KDM4B: variants seen among roughly 807,000 people sequenced by gnomAD.
KDM4B encodes lysine-specific demethylase 4B.
Under a neutral mutation model 125.2 loss-of-function variants are expected in KDM4B, and 32 were observed. The observed-to-expected ratio is 0.26, with a 90% CI of 0.19 to 0.34. The LOEUF (loss-of-function observed/expected upper bound fraction) is 0.34, where lower values mean the gene tolerates loss of function less well. KDM4B is among the 10% of genes least tolerant of loss of function. The probability of loss-of-function intolerance (pLI) is 1.00; values close to 1 mark genes in which losing one functional copy is unlikely to be tolerated. For missense variants in KDM4B, 1,190 were observed against 1,577.7 expected, an observed-to-expected ratio of 0.75 and a Z score of 4.16; for synonymous variants, 721 against 677.9, an observed-to-expected ratio of 1.06 and a Z score of -0.99.
chr19:5,067,621 G>C (rs2037814357), intron 6 of KDM4B, among the ~76,000 whole-genome samples: 1 of 151,590 alleles, frequency 6.6e-6, no homozygotes, highest in Admixed American at 6.6e-5. Flanking sequence ...GCAGGAGGTG[G>C]TGCTGGCATG....
chr19:5,002,194 C>T (rs1256754292), intron 1 of KDM4B, among the ~76,000 whole-genome samples: 3 of 152,132 alleles, frequency 2.0e-5, no homozygotes, highest in African/African-American at 7.2e-5. Context: ...GATAGGGTTT[C>T]GCCATGTTGG....
At chr19:5,006,597 A>C (rs1214277016) in intron 1 of KDM4B, among the ~76,000 whole-genome samples, 1 of 152,030 alleles carries the variant, frequency 6.6e-6, no homozygotes, top group Non-Finnish European at 1.5e-5. Flanking sequence ...ACATGGTGAA[A>C]CACCATTTCT....
At chr19:5,036,634 G>T (rs900541937) in intron 3 of KDM4B, among the ~76,000 whole-genome samples, 1 of 152,242 alleles carries the variant, frequency 6.6e-6, no homozygotes, top group African/African-American at 2.4e-5. Context: ...GTGGCCGGTC[G>T]CCTTCCTGGC....
intron 2 of KDM4B, among the ~76,000 whole-genome samples, chr19:5,019,649 C>T (rs1379072671): frequency 7.7e-5 from 7 of 91,362 alleles, no homozygotes; most frequent in Admixed American, 2.6e-4. Context: ...TTTGTGTGGA[C>T]GTTGGTGTGC....
chr19:5,045,661 G>A lies in KDM4B; in HGVS notation c.433-1815G>A, dbSNP rs536092966. ...AGCTAATTTTTGAATTTTTAGTAGC[G>A]ATGGGGTTTCACCATGTTGGCCAGG... On this transcript the variant is annotated intron_variant, in intron 5 of 22. Coordinates refer to ENST00000159111, the MANE Select transcript of KDM4B (RefSeq NM_015015.3). Among the ~76,000 whole-genome samples the A allele has an allele frequency of 6.6e-5, 10 of 152,162 alleles. No individual in the cohort carries two copies. The East Asian group carries it at 1.2e-3, about 18-fold the overall frequency.
intron 9 of KDM4B, among the ~76,000 whole-genome samples, chr19:5,096,609 G>A (rs900006766): frequency 2.0e-5 from 3 of 150,352 alleles, no homozygotes; most frequent in Admixed American, 6.6e-5. Context: ...CTGTTGCCGC[G>A]GTGCCCCCGG....
intron 9 of KDM4B, among the ~76,000 whole-genome samples, chr19:5,090,701 T>C (rs2038682734): frequency 8.3e-6 from 1 of 120,272 alleles, no homozygotes; most frequent in Non-Finnish European, 1.7e-5. Context: ...GTGCCGACTC[T>C]GGGCCTTGTC....
At chr19:5,088,675 C>CCCCCCT (rs1555710941) in intron 9 of KDM4B, among the ~76,000 whole-genome samples, 4 of 146,460 alleles carry the variant, frequency 2.7e-5, no homozygotes, top group African/African-American at 1.0e-4. Flanking sequence ...TCCCCCCCCC[C>CCCCCCT]GCAAAAGAGC....
chr19:5,116,235 TAAAA>T (rs35940660), intron 10 of KDM4B, among the ~76,000 whole-genome samples: 1,430 of 40,310 alleles, frequency 0.035, 17 homozygotes, highest in African/African-American at 0.1. Context: ...ACCACATCTC[TAAAA>T]AAAAAAAAAA....
chr19:5,111,336 GC>G, intron 10 of KDM4B: 2 of 749,684 alleles, frequency 2.7e-6, no homozygotes, highest in Non-Finnish European at 4.9e-6. Context: ...CAGAAGGCCG[GC>G]CCCGGGGCGT....
intron 6 of KDM4B, among the ~76,000 whole-genome samples, chr19:5,068,033 G>A (rs2037829353): frequency 6.6e-6 from 1 of 151,706 alleles, no homozygotes; most frequent in Non-Finnish European, 1.5e-5. Context: ...CCAGACAGAT[G>A]CTCCCCCTGC....
intron 1 of KDM4B, among the ~76,000 whole-genome samples, chr19:5,009,452 T>A (rs2035664199): frequency 6.6e-6 from 1 of 152,204 alleles, no homozygotes; most frequent in African/African-American, 2.4e-5. Context: ...TGGTGTCCAC[T>A]TGGTTTCTGA....
chr19:5,095,178 G>A (rs939973650), intron 9 of KDM4B, among the ~76,000 whole-genome samples: 3 of 152,158 alleles, frequency 2.0e-5, no homozygotes, highest in Non-Finnish European at 2.9e-5. Flanking sequence ...CTGTAGAACC[G>A]CCCGCTGGTG....
chr19:5,087,830 C>G (rs1457880238), intron 9 of KDM4B, among the ~76,000 whole-genome samples: 4 of 152,212 alleles, frequency 2.6e-5, no homozygotes, highest in Non-Finnish European at 5.9e-5. Context: ...GCCTGACAGA[C>G]TCCCACCTTG....
rs200418567 is a variant in KDM4B at position 5,131,879 on chromosome 19, T to C, written c.1786-8T>C. On this transcript the variant is annotated splice_polypyrimidine_tract_variant and splice_region_variant and intron_variant, in intron 12 of 22. Transcript: ENST00000159111. ...GGGGCCCTCACTACAGCCTGTTGTG[T>C]GTTTCAGGCACCGTCCACATTTTCC... 4 of 1,612,654 alleles carry C rather than the reference T, an allele frequency of 2.5e-6. No homozygotes were observed. The highest frequency in any genetic ancestry group is 1.3e-5 in the African/African-American group (1 of 74,984).
intron 1 of KDM4B, among the ~76,000 whole-genome samples, chr19:4,991,939 A>G (rs2035043199): frequency 6.6e-6 from 1 of 152,128 alleles, no homozygotes. Flanking sequence ...TTTATTACTC[A>G]GTAGTTCTCC....
At chr19:5,150,270 TG>T in intron 21 of KDM4B, 87 bp from the exon 22 acceptor site, 1 of 1,112,948 alleles carries the variant, frequency 9.0e-7, no homozygotes, top group Non-Finnish European at 1.3e-6. Context: ...CCAAGGGGGC[TG>T]GCCTCCCAGC....
chr19:5,029,250 T>C (rs531609444), intron 2 of KDM4B, among the ~76,000 whole-genome samples: 4 of 152,348 alleles, frequency 2.6e-5, no homozygotes, highest in African/African-American at 9.6e-5. Flanking sequence ...TCTTTGCCTC[T>C]GAGTTGAGAG....
chr19:5,085,205 A>G (rs560377857), intron 9 of KDM4B, among the ~76,000 whole-genome samples: 1 of 152,346 alleles, frequency 6.6e-6, no homozygotes, highest in South Asian at 2.1e-4. Context: ...CCCAGGACTC[A>G]GTTCAGAAAG....
Sources: allele counts gnomAD v4.1 joint callset (sites outside exome capture counted in the v4.1 genomes callset), GRCh38; gene constraint gnomAD v4.1.1; transcripts MANE v1.5; gene names NCBI Gene and HGNC (gene_info 2026-07-23, HGNC 2026-07-21).